PCDH11X: variants seen among roughly 807,000 people sequenced by gnomAD.
PCDH11X encodes protocadherin-11 X-linked.
PCDH11X carries 18 observed loss-of-function variants against 53.3 expected under a neutral mutation model. That is an observed-to-expected ratio of 0.34 (90% confidence interval 0.23 to 0.50). The LOEUF (loss-of-function observed/expected upper bound fraction) is 0.50, where lower values mean the gene tolerates loss of function less well. PCDH11X is among the 20% of genes least tolerant of loss of function. The probability of loss-of-function intolerance (pLI) is 0.98; values close to 1 mark genes in which losing one functional copy is unlikely to be tolerated. For synonymous variants in PCDH11X, 279 were observed against 393.3 expected (o/e 0.71, Z 3.44); for missense variants, 570 against 1,032.4 (o/e 0.55, Z 6.14).
intron 10 of PCDH11X, among the ~76,000 whole-genome samples, chrX:92,562,050 T>C (rs2075138175): frequency 2.0e-5 from 2 of 102,095 alleles, no homozygotes; most frequent in Non-Finnish European, 4.0e-5. Flanking sequence ...ACAGAAAGCA[T>C]GATACTACTA....
intron 6 of PCDH11X, among the ~76,000 whole-genome samples, chrX:91,907,399 A>ACCCC: frequency 1.6e-5 from 1 of 62,872 alleles, no homozygotes; most frequent in Non-Finnish European, 2.9e-5. Context: ...ACACACACAC[A>ACCCC]CACACACACA....
intron 9 of PCDH11X, among the ~76,000 whole-genome samples, chrX:92,439,922 T>TAAAA (rs1556420493): frequency 1.3e-5 from 1 of 77,705 alleles, no homozygotes; most frequent in Admixed American, 1.7e-4. Context: ...GAGAATGGAG[T>TAAAA]ACAGTTACAT....
intron 6 of PCDH11X, among the ~76,000 whole-genome samples, chrX:92,125,676 T>C (rs1024809167): frequency 4.5e-5 from 5 of 110,635 alleles, no homozygotes; most frequent in African/African-American, 6.6e-5. Context: ...TACTTTAAGT[T>C]CTAGGGTACA....
intron 8 of PCDH11X, among the ~76,000 whole-genome samples, chrX:92,342,768 T>G (rs1277922828): frequency 9.0e-6 from 1 of 111,113 alleles, no homozygotes; most frequent in East Asian, 2.9e-4. Context: ...CTGAGTGATG[T>G]GTTCATTCAT....
At chrX:92,614,741 G>T (rs1277366514) in intron 10 of PCDH11X, among the ~76,000 whole-genome samples, 1 of 109,955 alleles carries the variant, frequency 9.1e-6, no homozygotes, top group Middle Eastern at 4.7e-3. Context: ...AACACCCAAA[G>T]GTGTGTCTAG....
rs1172474643 is a variant in PCDH11X, at chrX:92,148,760, TTA to T, written c.3034-52605_3034-52604del. 1.2e-4 allele frequency among the ~76,000 whole-genome samples: 13 copies of T among 106,459 alleles called. No individual in the cohort carries two copies. In the South Asian group the frequency reaches 2.9e-3, roughly 23 times the overall value. The allele number at this position is 106,459 out of a possible 115,157, so 92.4% of individuals were successfully genotyped here. A position where few individuals can be genotyped will look rare whatever the true frequency, so the allele number is the denominator to read the frequency against. ...TTGACATACATGTATACTTATATGT[TTA>T]TATATATATGTGTGTGTATATATAT... On this transcript the variant is annotated intron_variant, in intron 6 of 10. Coordinates refer to ENST00000682573, the MANE Select transcript of PCDH11X (RefSeq NM_032968.5).
chrX:91,823,464 A>G (rs980719597), intron 4 of PCDH11X, among the ~76,000 whole-genome samples: 2 of 110,987 alleles, frequency 1.8e-5, no homozygotes, highest in African/African-American at 6.6e-5. Flanking sequence ...TTGTTGGTTT[A>G]AAGTCTGTTT....
intron 7 of PCDH11X, among the ~76,000 whole-genome samples, chrX:92,235,896 A>G (rs2067162337): frequency 9.0e-6 from 1 of 111,140 alleles, no homozygotes; most frequent in Non-Finnish European, 1.9e-5. Context: ...TCTGAAAAAC[A>G]TGTTATCACG....
intron 6 of PCDH11X, among the ~76,000 whole-genome samples, chrX:91,892,921 G>A (rs1026404810): frequency 1.1e-4 from 12 of 109,998 alleles, no homozygotes; most frequent in Non-Finnish European, 2.1e-4. Flanking sequence ...CAAAATGCTA[G>A]GATTACAGGC....
chrX:91,978,025 T>G lies in PCDH11X; in HGVS notation c.3033+98752T>G, dbSNP rs1279124196. On this transcript the variant is annotated intron_variant, in intron 6 of 10. Transcript: ENST00000682573. ...GAAAACAGTTCTGATCGTATAACCC[T>G]CCTTTGTAAATCTTATTCACTTGTC... Among the ~76,000 whole-genome samples the G allele has an allele frequency of 2.7e-5, 3 of 111,696 alleles. No individual in the cohort carries two copies. The East Asian group carries it at 8.5e-4, about 32-fold the overall frequency.
intron 8 of PCDH11X, among the ~76,000 whole-genome samples, chrX:92,280,278 C>T (rs750459816): frequency 7.2e-5 from 8 of 111,354 alleles, no homozygotes; most frequent in African/African-American, 1.3e-4. Flanking sequence ...CAGCCAGGAG[C>T]GGTGGCTCAC....
chrX:91,879,934 C>CTCCTT (rs1569425164), intron 6 of PCDH11X: 1 of 709,532 alleles, frequency 1.4e-6, no homozygotes, highest in African/African-American at 3.5e-5. Context: ...TATGAGGTCT[C>CTCCTT]TGGATAGCTA....
intron 8 of PCDH11X, among the ~76,000 whole-genome samples, chrX:92,348,638 G>A (rs2069966234): frequency 1.8e-5 from 2 of 108,833 alleles, no homozygotes; most frequent in Admixed American, 2.0e-4. Context: ...CTGCTTTCAA[G>A]CAATTCTCCT....
At chrX:92,271,549 T>C (rs1458116266) in intron 8 of PCDH11X, among the ~76,000 whole-genome samples, 1 of 112,118 alleles carries the variant, frequency 8.9e-6, no homozygotes, top group African/African-American at 3.2e-5. Context: ...ACTTGGGGCA[T>C]GCCCTATGTA....
At chrX:92,550,129 G>A (rs1453648848) in intron 10 of PCDH11X, among the ~76,000 whole-genome samples, 1 of 110,112 alleles carries the variant, frequency 9.1e-6, no homozygotes, top group Non-Finnish European at 1.9e-5. Flanking sequence ...TCTAGTAACC[G>A]CAATTCTACT....
intron 10 of PCDH11X, among the ~76,000 whole-genome samples, chrX:92,590,654 C>G (rs1924939286): frequency 8.9e-6 from 1 of 111,875 alleles, no homozygotes; most frequent in Non-Finnish European, 1.9e-5. Flanking sequence ...CAGGGATTTT[C>G]AGATGGGGGA....
intron 10 of PCDH11X, among the ~76,000 whole-genome samples, chrX:92,527,841 ACCC>A (rs67014139): frequency 0.036 from 4,014 of 111,496 alleles, 198 homozygotes; most frequent in African/African-American, 0.12. Flanking sequence ...TACTTTGCTG[ACCC>A]CAGAACTAAG....
At chrX:92,477,943 A>T (rs1242872332) in intron 10 of PCDH11X, among the ~76,000 whole-genome samples, 1 of 107,755 alleles carries the variant, frequency 9.3e-6, no homozygotes, top group Admixed American at 1.0e-4. Flanking sequence ...CTCATCTCAA[A>T]TTATAATCCC....
At chrX:91,823,250 A>T (rs1335743476) in intron 4 of PCDH11X, among the ~76,000 whole-genome samples, 3 of 110,948 alleles carry the variant, frequency 2.7e-5, no homozygotes, top group Non-Finnish European at 5.7e-5. Context: ...TGTCTAGTTG[A>T]TCTGTCTAAT....
Sources: allele counts gnomAD v4.1 joint callset (sites outside exome capture counted in the v4.1 genomes callset), GRCh38; gene constraint gnomAD v4.1.1; transcripts MANE v1.5; gene names NCBI Gene and HGNC (gene_info 2026-07-23, HGNC 2026-07-21).